The following EYA2 variants were observed in gnomAD, a reference collection of about 807,000 sequenced individuals.
EYA2 encodes EYA transcriptional coactivator and phosphatase 2, also known as protein phosphatase EYA2.
In EYA2, 31 loss-of-function variants were observed where a neutral mutation model predicts 69.2. That is an observed-to-expected ratio of 0.45 (90% CI 0.34 to 0.60). The LOEUF is 0.60. EYA2 is among the 20% of genes least tolerant of loss of function. EYA2 has a pLI of 0.02. For missense variants in EYA2, 622 were observed against 701.2 expected (o/e 0.89, Z 1.28); for synonymous variants, 257 against 279.4 (o/e 0.92, Z 0.80).
intron 5 of EYA2, among the ~76,000 whole-genome samples, chr20:47,050,495 C>T (rs957145719): frequency 2.0e-5 from 3 of 152,112 alleles, no homozygotes; most frequent in African/African-American, 7.2e-5. Flanking sequence ...GGAAATAATT[C>T]AAGCAATGAA....
chr20:46,912,687 AT>A lies in EYA2; in HGVS notation c.-11+17714del, dbSNP rs11473019. ...GTAGAACAGGGAAGAGGAATTTTTAATTTTTTTTTTTTTTCTTTTTTTTTGA... is the reference window on the plus strand; with the variant it reads ...GTAGAACAGGGAAGAGGAATTTTTAATTTTTTTTTTTTTCTTTTTTTTTGA... On this transcript the variant is annotated intron_variant, in intron 1 of 15. Coordinates refer to ENST00000327619, the MANE Select transcript of EYA2 (RefSeq NM_005244.5). 8.7e-3 allele frequency among the ~76,000 whole-genome samples: 1,267 copies of A among 145,764 alleles called. 17 individuals are homozygous for A. The highest frequency in any genetic ancestry group is 0.03 in the African/African-American group (1,180 of 39,632).
chr20:47,086,833 C>T (rs987137554), intron 7 of EYA2, among the ~76,000 whole-genome samples: 2 of 150,884 alleles, frequency 1.3e-5, no homozygotes, highest in Non-Finnish European at 2.9e-5. Context: ...GGCACCCCTG[C>T]GAAATTGGTT....
Position 47,014,833 on chromosome 20 carries a change from A to C in EYA2, c.299-1348A>C, listed in dbSNP as rs370808468. Among the ~76,000 whole-genome samples, 6 of 152,266 alleles carry C rather than the reference A, an allele frequency of 3.9e-5. No homozygotes were observed. The East Asian group carries it at 7.7e-4, about 20-fold the overall frequency. On this transcript the variant is annotated intron_variant, in intron 4 of 15. Coordinates refer to ENST00000327619, the MANE Select transcript of EYA2 (RefSeq NM_005244.5). Reference sequence around the variant, plus strand: ...GCTGCAGCTTAAATTACAGTCATAAAATCTCAAAACCACCCAAAAGTTAAT... The same window carrying C: ...GCTGCAGCTTAAATTACAGTCATAACATCTCAAAACCACCCAAAAGTTAAT...
At position 47,160,009 on chromosome 20, in the gene EYA2, G is replaced by A. The variant is rs1356272082; in HGVS notation, c.979-9130G>A. ...GAGGTCAGGGAGGTGATGAACCTGA[G>A]GGTGGGCAGACCACATGGAGCCAGG... On this transcript the variant is annotated intron_variant, in intron 10 of 15. Coordinates refer to ENST00000327619, the MANE Select transcript of EYA2 (RefSeq NM_005244.5). 3.3e-5 allele frequency among the ~76,000 whole-genome samples: 5 copies of A among 152,162 alleles called. No individual in the cohort carries two copies. The East Asian group carries it at 9.7e-4, about 29-fold the overall frequency.
At chr20:47,122,251 C>CA (rs1250881662) in intron 9 of EYA2, among the ~76,000 whole-genome samples, 1 of 150,138 alleles carries the variant, frequency 6.7e-6, no homozygotes, top group African/African-American at 2.4e-5. Flanking sequence ...TAACATTTGT[C>CA]ACTCTCTGAA....
intron 1 of EYA2, among the ~76,000 whole-genome samples, chr20:46,970,342 G>A (rs559535469): frequency 1.5e-4 from 23 of 152,104 alleles, no homozygotes; most frequent in Non-Finnish European, 2.9e-5. Flanking sequence ...ATAGAGGAGA[G>A]GTTCTCAACC....
At chr20:47,005,139 T>G in intron 4 of EYA2, 55 bp downstream of exon 4, 23 of 1,588,058 alleles carry the variant, frequency 1.4e-5, no homozygotes, top group Non-Finnish European at 2.0e-5. Context: ...TCATGGTCTT[T>G]GTTCTGCACT....
intron 1 of EYA2, among the ~76,000 whole-genome samples, chr20:46,928,060 T>C (rs2146246565): frequency 6.6e-6 from 1 of 152,350 alleles, no homozygotes; most frequent in African/African-American, 2.4e-5. Context: ...TGCAACTCTG[T>C]GAAGTAGGTA....
At chr20:47,183,008 C>G (rs980400679) in intron 14 of EYA2, among the ~76,000 whole-genome samples, 1 of 152,184 alleles carries the variant, frequency 6.6e-6, no homozygotes, top group South Asian at 2.1e-4. Context: ...ACTTCTACAT[C>G]GGACAGCTGC....
rs368427110 is a variant in EYA2, at chr20:47,054,207, A to AC, written c.416-17972dup. 5.9e-3 allele frequency among the ~76,000 whole-genome samples: 901 copies of AC among 151,924 alleles called. 8 individuals are homozygous for AC. The highest frequency in any genetic ancestry group is 0.021 in the African/African-American group (854 of 41,414). The stretch of plus-strand genomic sequence containing the variant: ...GAGATTGTGAGGCACTGAGCATTGC[A>AC]CCCCCCACTTCTCCAACTTGACCCT... On this transcript the variant is annotated intron_variant, in intron 5 of 15. Transcript: ENST00000327619.
chr20:47,085,513 G>A (rs572688609), intron 7 of EYA2, among the ~76,000 whole-genome samples: 3 of 152,094 alleles, frequency 2.0e-5, no homozygotes, highest in Non-Finnish European at 4.4e-5. Context: ...GGGCGTGGTG[G>A]TGCATGCCTG....
At chr20:46,938,047 G>T (rs1985994934) in intron 1 of EYA2, among the ~76,000 whole-genome samples, 1 of 152,192 alleles carries the variant, frequency 6.6e-6, no homozygotes, top group Admixed American at 6.5e-5. Context: ...GCAAAGAGAG[G>T]TTAAGTATCC....
At chr20:47,102,301 C>T (rs1325441103) in intron 9 of EYA2, among the ~76,000 whole-genome samples, 2 of 152,110 alleles carry the variant, frequency 1.3e-5, no homozygotes, top group African/African-American at 4.8e-5. Flanking sequence ...AGAGCCCACT[C>T]CTGGCATGGG....
chr20:47,076,119 G>T (rs1400667160), intron 7 of EYA2, among the ~76,000 whole-genome samples: 3 of 152,192 alleles, frequency 2.0e-5, no homozygotes, highest in Admixed American at 2.0e-4. Flanking sequence ...CATCTAGGTT[G>T]ATTCTTTGTC....
At chr20:46,964,459 A>T (rs1219942815) in intron 1 of EYA2, among the ~76,000 whole-genome samples, 1 of 152,170 alleles carries the variant, frequency 6.6e-6, no homozygotes, top group Admixed American at 6.5e-5. Context: ...TGGCTGTTGA[A>T]GGGATGCACG....
chr20:46,953,284 A>G (rs1175219798), intron 1 of EYA2, among the ~76,000 whole-genome samples: 1 of 152,172 alleles, frequency 6.6e-6, no homozygotes, highest in African/African-American at 2.4e-5. Context: ...TGAGGGCTTG[A>G]GAACTCCGCG....
At chr20:47,002,978 C>T (rs1982474855) in intron 3 of EYA2, among the ~76,000 whole-genome samples, 1 of 152,198 alleles carries the variant, frequency 6.6e-6, no homozygotes. Context: ...GCTGTGAGGC[C>T]TCAGGTGGAA....
At position 47,004,953 on chromosome 20, in the gene EYA2, G is replaced by A. The variant is rs1339557130; in HGVS notation, c.167G>A (p.Arg56His). ...VSQLFSRSCP[R>H]VLPRQPSTAM... ...CTCTTTCCACACAGATCTTGCCCAC[G>A]TGTCCTCCCCCGCCAGCCTTCCACA... Residue 56 changes from arginine (R) to histidine (H), a missense_variant, in exon 4 of 16, where the codon CGT becomes CAT. Physicochemically the swap from Arg to His is conservative, Grantham distance 29. Coordinates refer to ENST00000327619, the MANE Select transcript of EYA2 (RefSeq NM_005244.5). The A allele has an allele frequency of 1.9e-6, 3 of 1,613,920 alleles. No individual in the cohort carries two copies. Among genetic ancestry groups the A allele is most frequent in the Non-Finnish European group, 2.5e-6 (3 of 1,179,980 alleles).
chr20:47,172,437 C>T (rs1197141656), intron 11 of EYA2, among the ~76,000 whole-genome samples: 1 of 152,102 alleles, frequency 6.6e-6, no homozygotes, highest in Admixed American at 6.6e-5. Context: ...GCGCAAGACC[C>T]TGTCTCAAAA....
Sources: gnomAD v4.1 joint callset for allele counts (sites outside exome capture counted in the v4.1 genomes callset) on GRCh38, gnomAD v4.1.1 for gene constraint, MANE v1.5 for transcripts, NCBI Gene and HGNC (gene_info 2026-07-23, HGNC 2026-07-21) for gene names.